NKAIN3: variants seen among roughly 807,000 people sequenced by gnomAD.
NKAIN3 encodes sodium/potassium transporting ATPase interacting 3, also known as sodium/potassium-transporting ATPase subunit beta-1-interacting protein 3.
A neutral mutation model predicts 30.2 loss-of-function variants in NKAIN3; 25 were observed. The ratio of observed to expected loss-of-function variants is 0.83; its 90% CI spans 0.60 to 1.16. The LOEUF is 1.16. Ranked by LOEUF, NKAIN3 falls within the 50% of genes most tolerant of loss-of-function variation. The pLI is 0.00. For synonymous variants in NKAIN3, 91 were observed against 89.6 expected, an observed-to-expected ratio of 1.02 and a Z score of -0.09; for missense variants, 225 against 254.1, an observed-to-expected ratio of 0.89 and a Z score of 0.78.
chr8:62,375,050 C>T (rs2129593580), intron 1 of NKAIN3, among the ~76,000 whole-genome samples: 1 of 152,330 alleles, frequency 6.6e-6, no homozygotes, highest in South Asian at 2.1e-4. Context: ...AAATAATCCA[C>T]ACTACCTTAA....
At chr8:62,875,499 A>G (rs555665589) in intron 4 of NKAIN3, among the ~76,000 whole-genome samples, 1 of 152,344 alleles carries the variant, frequency 6.6e-6, no homozygotes, top group African/African-American at 2.4e-5. Flanking sequence ...TATGGAATCA[A>G]ACACCTCGTA....
At chr8:62,638,476 C>T (rs1396909068) in intron 3 of NKAIN3, among the ~76,000 whole-genome samples, 6 of 152,188 alleles carry the variant, frequency 3.9e-5, no homozygotes, top group African/African-American at 1.2e-4. Context: ...TTGACTTACA[C>T]CCACCATTCA....
rs573997691 is a variant in NKAIN3, at chr8:62,512,788, T to C, written c.55-66751T>C. Among the ~76,000 whole-genome samples, 24 of 152,258 alleles carry C rather than the reference T, an allele frequency of 1.6e-4. No homozygotes were observed. In the East Asian group the frequency reaches 4.5e-3, roughly 28 times the overall value. ...TATTTATGTGACCACATGTTGAAGC[T>C]CAGGTAAATCTTCAGCATCCTCTCA... On this transcript the variant is annotated intron_variant, in intron 1 of 6. Coordinates refer to ENST00000623646, the MANE Select transcript of NKAIN3 (RefSeq NM_001304533.3).
intron 1 of NKAIN3, among the ~76,000 whole-genome samples, chr8:62,484,763 C>G (rs747282598): frequency 2.6e-5 from 4 of 152,172 alleles, no homozygotes; most frequent in Non-Finnish European, 4.4e-5. Context: ...GAACCTGGGT[C>G]TTGGGCCATC....
intron 3 of NKAIN3, among the ~76,000 whole-genome samples, chr8:62,650,942 A>C (rs1812602972): frequency 6.6e-6 from 1 of 152,248 alleles, no homozygotes; most frequent in Non-Finnish European, 1.5e-5. Flanking sequence ...TTTATGAGAA[A>C]AATATAAATT....
chr8:62,836,825 A>G (rs1322915673), intron 4 of NKAIN3, among the ~76,000 whole-genome samples: 1 of 152,152 alleles, frequency 6.6e-6, no homozygotes, highest in Non-Finnish European at 1.5e-5. Context: ...CAGGACTTAC[A>G]AGAACTTAAG....
chr8:62,831,911 G>A (rs757550465), intron 4 of NKAIN3, among the ~76,000 whole-genome samples: 1 of 152,090 alleles, frequency 6.6e-6, no homozygotes, highest in Non-Finnish European at 1.5e-5. Flanking sequence ...AAGGCATATA[G>A]TCACCAGACT....
intron 4 of NKAIN3, among the ~76,000 whole-genome samples, chr8:62,915,961 A>T (rs995288553): frequency 1.3e-5 from 2 of 152,238 alleles, no homozygotes; most frequent in Non-Finnish European, 2.9e-5. Flanking sequence ...ACATCAGATG[A>T]AAAAGAACTA....
At chr8:62,365,361 T>C (rs1008413524) in intron 1 of NKAIN3, among the ~76,000 whole-genome samples, 3 of 8,798 alleles carry the variant, frequency 3.4e-4, no homozygotes, top group Non-Finnish European at 4.8e-4. Context: ...ATAAACAATA[T>C]GGTATTGTTT....
rs543768987 is a variant in NKAIN3 at position 62,582,894 on chromosome 8, T to C, written c.192+3218T>C. Among the ~76,000 whole-genome samples, 18 of 152,226 alleles carry C rather than the reference T, an allele frequency of 1.2e-4. No homozygotes were observed. The East Asian group carries it at 3.5e-3, about 30-fold the overall frequency. On this transcript the variant is annotated intron_variant, in intron 2 of 6. Transcript: ENST00000623646. ...GCCAGGTGTGGAGACCCAGGAGGGC[T>C]GAGAGTCTGCACACCTCAGTGTCAT...
In NKAIN3 at chr8:62,939,558, A is replaced by T. The variant is rs1002326039; in HGVS notation, c.533-14344A>T. Among the ~76,000 whole-genome samples, 53 of 152,344 alleles carry T rather than the reference A, an allele frequency of 3.5e-4. No homozygotes were observed. In the Middle Eastern group the frequency reaches 0.01, roughly 29 times the overall value. ...CTATCAGATTAAGAGCAGATTTCTCAGCAGAAACCCTACAAGCTAGAAGGA... is the reference window on the plus strand; with the variant it reads ...CTATCAGATTAAGAGCAGATTTCTCTGCAGAAACCCTACAAGCTAGAAGGA... On this transcript the variant is annotated intron_variant, in intron 5 of 6. Coordinates refer to ENST00000623646, the MANE Select transcript of NKAIN3 (RefSeq NM_001304533.3).
chr8:62,630,221 G>A (rs537791437), intron 3 of NKAIN3, among the ~76,000 whole-genome samples: 14 of 152,162 alleles, frequency 9.2e-5, no homozygotes, highest in African/African-American at 3.1e-4. Context: ...ACTGCAGGTC[G>A]TGGAATGCAT....
intron 1 of NKAIN3, among the ~76,000 whole-genome samples, chr8:62,528,974 G>A (rs188940617): frequency 6.6e-6 from 1 of 152,144 alleles, no homozygotes. Flanking sequence ...CTTGAATGAA[G>A]CCATAGGGGT....
At chr8:62,387,066 C>T (rs1170004463) in intron 1 of NKAIN3, among the ~76,000 whole-genome samples, 3 of 152,022 alleles carry the variant, frequency 2.0e-5, no homozygotes, top group Non-Finnish European at 4.4e-5. Context: ...ATCATCTTTT[C>T]GGATAGTCAC....
chr8:62,428,175 A>G (rs13275950), intron 1 of NKAIN3, among the ~76,000 whole-genome samples: 1 of 151,710 alleles, frequency 6.6e-6, no homozygotes, highest in Non-Finnish European at 1.5e-5. Context: ...ATAGGATTTC[A>G]ATCTTTTTTA....
chr8:62,714,063 G>A (rs1025281343), intron 3 of NKAIN3, among the ~76,000 whole-genome samples: 3 of 151,930 alleles, frequency 2.0e-5, no homozygotes, highest in Non-Finnish European at 4.4e-5. Context: ...GGATCAGCAG[G>A]CAATATAATT....
chr8:62,895,637 T>A (rs1821408433), intron 4 of NKAIN3, among the ~76,000 whole-genome samples: 1 of 152,134 alleles, frequency 6.6e-6, no homozygotes, highest in Admixed American at 6.5e-5. Context: ...TAATTCCATA[T>A]CCTAGGCGGG....
intron 3 of NKAIN3, among the ~76,000 whole-genome samples, chr8:62,602,180 T>C (rs1230538932): frequency 1.3e-5 from 2 of 152,112 alleles, no homozygotes; most frequent in African/African-American, 4.8e-5. Context: ...TGTAATCTTA[T>C]GCCTTTCCAT....
intron 3 of NKAIN3, among the ~76,000 whole-genome samples, chr8:62,603,735 C>T (rs1054237168): frequency 6.6e-6 from 1 of 151,998 alleles, no homozygotes. Context: ...TTGTGGTTGT[C>T]ACTGCAACTT....
Sources: gnomAD v4.1 joint callset for allele counts (sites outside exome capture counted in the v4.1 genomes callset) on GRCh38, gnomAD v4.1.1 for gene constraint, MANE v1.5 for transcripts, NCBI Gene and HGNC (gene_info 2026-07-23, HGNC 2026-07-21) for gene names.